The following DST variants were observed in gnomAD, a reference collection of about 807,000 sequenced individuals.
The protein encoded by DST is bullous pemphigoid antigen.
Under a neutral mutation model 875.2 loss-of-function variants are expected in DST, and 253 were observed. That is an observed-to-expected ratio of 0.29 (90% confidence interval 0.26 to 0.32). The LOEUF is 0.32. Among genes scored for constraint, DST ranks in the 10% least tolerant of loss-of-function variants. The pLI is 1.00. For missense variants in DST, 8,287 were observed against 9,111.6 expected, an observed-to-expected ratio of 0.91 and a Z score of 3.68; for synonymous variants, 3,124 against 3,197.1, an observed-to-expected ratio of 0.98 and a Z score of 0.77.
intron 72 of DST, 62 bp downstream of exon 72, chr6:56,515,388 C>T: frequency 6.4e-7 from 1 of 1,566,174 alleles, no homozygotes; most frequent in Non-Finnish European, 8.7e-7. Context: ...CTAAAAACCA[C>T]CATAAAAATC....
At position 56,699,715 on chromosome 6, in the gene DST, T is replaced by C; in HGVS notation, c.985A>G (p.Ile329Val). The part of the protein sequence containing the change: ...VKLVNIRNDD[I>V]TDGNPKLTLG... ...GTCAATTTGGGATTTCCATCTGTTA[T>C]GTCATCATTTCTAATATTCACTAAT... Residue 329 changes from isoleucine (I) to valine (V), a missense_variant, in exon 9 of 104, where the codon ATA (isoleucine) becomes GTA (valine). Ile to Val is a conservative substitution (Grantham distance 29). This residue lies in a region of DST where 1,160 missense variants were observed against 1,424.3 expected (regional missense o/e 0.81). Coordinates refer to ENST00000680361, the MANE Select transcript of DST (RefSeq NM_001374736.1). 6.6e-7 allele frequency: 1 copy of C among 1,524,654 alleles called. No individual in the cohort carries two copies. The highest frequency in any genetic ancestry group is 8.8e-7 in the Non-Finnish European group (1 of 1,136,598). 94.4% of individuals were successfully genotyped at this position (1,524,654 alleles called of 1,614,324 possible). A position where few individuals can be genotyped will look rare whatever the true frequency, so the allele number is the denominator to read the frequency against.
chr6:56,780,310 C>G (rs2099690333), intron 4 of DST, among the ~76,000 whole-genome samples: 1 of 151,904 alleles, frequency 6.6e-6, no homozygotes, highest in African/African-American at 2.4e-5. Context: ...CACTGTCTTC[C>G]ACAACGGTTG....
At chr6:56,672,275 CCTT>C (rs907835761) in intron 9 of DST, among the ~76,000 whole-genome samples, 26 of 152,320 alleles carry the variant, frequency 1.7e-4, no homozygotes, top group Non-Finnish European at 2.4e-4. Flanking sequence ...CTCACACACT[CCTT>C]CTCCAGTGTT....
At chr6:56,786,705 G>C (rs2099706210) in intron 4 of DST, among the ~76,000 whole-genome samples, 2 of 151,974 alleles carry the variant, frequency 1.3e-5, no homozygotes, top group South Asian at 4.1e-4. Context: ...GCTAATTTTT[G>C]TCTTTTTAGA....
At chr6:56,939,747 G>A (rs796087686) in intron 2 of DST, among the ~76,000 whole-genome samples, 23 of 151,830 alleles carry the variant, frequency 1.5e-4, no homozygotes, top group African/African-American at 4.3e-4. Flanking sequence ...ATAAGCAGCC[G>A]GGCGTGGTGG....
Position 56,560,326 on chromosome 6 carries a change from G to A in DST, c.14408C>T (p.Ala4803Val), listed in dbSNP as rs770130272. Residue 4803 changes from alanine to valine, a missense_variant, in exon 58 of 104, where the codon GCC becomes GTC. Ala to Val is a moderately conservative substitution (Grantham distance 64). Coordinates refer to ENST00000680361, the MANE Select transcript of DST (RefSeq NM_001374736.1). ...TGTCAACATCTGTTTCCATCTGGGG[G>A]CCTCAGGAGTATCTGGGTTCTCCTC... The part of the protein sequence containing the change: ...LLEENPDTPE[A>V]PRWKQMLTEI... 15 of 1,610,844 alleles carry A rather than the reference G, an allele frequency of 9.3e-6. No individual in the cohort carries two copies. In the East Asian group the frequency reaches 1.6e-4, roughly 17 times the overall value.
chr6:56,743,354 A>G (rs545383322), intron 4 of DST, among the ~76,000 whole-genome samples: 13 of 152,230 alleles, frequency 8.5e-5, no homozygotes, highest in Non-Finnish European at 1.5e-4. Flanking sequence ...CTGGATTAAC[A>G]GTTGCCAAAA....
In DST at chr6:56,610,542, T is replaced by C; in HGVS notation, c.5168A>G (p.Asn1723Ser). ...HGDKMTDEER[N>S]ELEKQVKTLQ... ...AGTTTTCACTTGTTTTTCCAATTCA[T>C]TTCTTTCTTCATCTGTCATTCTAAA... The change falls in exon 39 of 104, where the codon AAT becomes AGT. Residue 1723 changes from asparagine to serine, a missense_variant. Asn to Ser is a conservative substitution (Grantham distance 46, BLOSUM62 1). Around this residue, in one of 10 missense-constraint regions of DST, gnomAD observed 3,138 missense variants for 3,116.6 expected, o/e 1.01. Coordinates refer to ENST00000680361, the MANE Select transcript of DST (RefSeq NM_001374736.1). The C allele has an allele frequency of 6.4e-7, 1 of 1,574,104 alleles. No homozygotes were observed. Among genetic ancestry groups the C allele is most frequent in the Non-Finnish European group, 8.6e-7 (1 of 1,161,158 alleles).
At chr6:56,673,372 A>C (rs1412521061) in intron 9 of DST, among the ~76,000 whole-genome samples, 1 of 152,236 alleles carries the variant, frequency 6.6e-6, no homozygotes, top group African/African-American at 2.4e-5. Flanking sequence ...TTACAATTCA[A>C]GAGCCACCTA....
At position 56,615,591 on chromosome 6, in the gene DST, G is replaced by A. The variant is rs141066017; in HGVS notation, c.4930-1107C>T. 2 of 1,614,060 alleles carry A rather than the reference G, an allele frequency of 1.2e-6. No homozygotes were observed. Among genetic ancestry groups the A allele is most frequent in the Non-Finnish European group, 1.7e-6 (2 of 1,179,996 alleles). ...ACTTCTAACAGTTTAAGTCCTGTGT[G>A]GAAATCAAAATCAGCTTTTTCTAAG... On this transcript the variant is annotated intron_variant, in intron 36 of 103. Transcript: ENST00000680361.
At chr6:56,525,867 T>C (rs994507097) in intron 69 of DST, among the ~76,000 whole-genome samples, 1 of 152,028 alleles carries the variant, frequency 6.6e-6, no homozygotes, top group African/African-American at 2.4e-5. Context: ...TATCATCTTT[T>C]CCCCCCTTCT....
intron 88 of DST, 30 bp from the exon 89 acceptor site, chr6:56,482,907 T>C (rs1368201615): frequency 1.4e-6 from 2 of 1,461,872 alleles, no homozygotes; most frequent in Admixed American, 2.4e-5. Flanking sequence ...AAAAATTAAT[T>C]TTAATTACAA....
At chr6:56,747,749 G>C (rs1374519485) in intron 4 of DST, among the ~76,000 whole-genome samples, 2 of 152,004 alleles carry the variant, frequency 1.3e-5, no homozygotes, top group South Asian at 4.2e-4. Context: ...TATGTAACTC[G>C]ATGAAAATAA....
At chr6:56,505,715 A>G in intron 77 of DST, among the ~76,000 whole-genome samples, 1 of 152,146 alleles carries the variant, frequency 6.6e-6, no homozygotes, top group East Asian at 1.9e-4. Context: ...CTTTTTCCAT[A>G]TGGTAAGAAG....
At chr6:56,782,791 C>T (rs1029537800) in intron 4 of DST, among the ~76,000 whole-genome samples, 1 of 152,088 alleles carries the variant, frequency 6.6e-6, no homozygotes, top group African/African-American at 2.4e-5. Context: ...GCTCTTGCTT[C>T]TCTAGTTCTT....
At chr6:56,495,493 T>A (rs2095872672) in intron 82 of DST, among the ~76,000 whole-genome samples, 1 of 151,962 alleles carries the variant, frequency 6.6e-6, no homozygotes, top group Admixed American at 6.6e-5. Flanking sequence ...GTTAACATTT[T>A]AAAAATATTT....
intron 89 of DST, 140 bp downstream of exon 89, chr6:56,482,543 G>T: frequency 5.1e-6 from 4 of 785,726 alleles, no homozygotes; most frequent in Admixed American, 3.1e-5. Context: ...AAGGATCAAG[G>T]CAATGTTGCT....
At chr6:56,683,170 C>G (rs2099164712) in intron 9 of DST, among the ~76,000 whole-genome samples, 1 of 152,200 alleles carries the variant, frequency 6.6e-6, no homozygotes, top group Admixed American at 6.5e-5. Context: ...CATTTTCTCT[C>G]TTCCCACTAT....
In DST at chr6:56,645,913, A is replaced by G; in HGVS notation, c.1731T>C (p.Ile577=). ...CCTTCTCTCTCTCTAGCATGGCAATAATGAGTTTCCCCCACTCTTTTTCTA... is the reference window on the plus strand; with the variant it reads ...CCTTCTCTCTCTCTAGCATGGCAATGATGAGTTTCCCCCACTCTTTTTCTA... ...NDIEKEWGKL[I]IAMLEREKAL... The change falls in exon 15 of 104, where the codon ATT becomes ATC. Residue 577 remains isoleucine (I), a synonymous_variant. Transcript: ENST00000680361. 2 of 1,613,898 alleles carry G rather than the reference A, an allele frequency of 1.2e-6. No homozygotes were observed. The highest frequency in any genetic ancestry group is 1.7e-6 in the Non-Finnish European group (2 of 1,179,808).
Sources: allele counts gnomAD v4.1 joint callset (sites outside exome capture counted in the v4.1 genomes callset), GRCh38; gene constraint gnomAD v4.1.1; regional missense constraint gnomAD v4.1.1; transcripts MANE v1.5; gene names NCBI Gene and HGNC (gene_info 2026-07-23, HGNC 2026-07-21).